Variants in CIT observed in about 807,000 individuals in gnomAD.
The protein encoded by CIT is citron Rho-interacting kinase.
Under a neutral mutation model 272.7 loss-of-function variants are expected in CIT, and 79 were observed. The ratio of observed to expected loss-of-function variants is 0.29; its 90% CI spans 0.24 to 0.35. The LOEUF is 0.35. Among genes scored for constraint, CIT ranks in the 10% least tolerant of loss-of-function variants. The pLI is 1.00. For synonymous variants in CIT, 948 were observed against 995.6 expected, an observed-to-expected ratio of 0.95 and a Z score of 0.90; for missense variants, 1,909 against 2,618.3, an observed-to-expected ratio of 0.73 and a Z score of 5.91.
At chr12:119,837,692 C>T (rs2138154715) in intron 5 of CIT, among the ~76,000 whole-genome samples, 1 of 152,338 alleles carries the variant, frequency 6.6e-6, no homozygotes, top group African/African-American at 2.4e-5. Context: ...ATAGCCTTGG[C>T]TTCTACCCCA....
intron 26 of CIT, among the ~76,000 whole-genome samples, chr12:119,731,122 G>A (rs866316501): frequency 1.3e-5 from 2 of 149,564 alleles, no homozygotes; most frequent in East Asian, 2.0e-4. Flanking sequence ...GCAAGACTCG[G>A]TCTCAAAACA....
At chr12:119,834,722 AT>A (rs1431776171) in intron 5 of CIT, among the ~76,000 whole-genome samples, 1 of 152,270 alleles carries the variant, frequency 6.6e-6, no homozygotes, top group African/African-American at 2.4e-5. Flanking sequence ...ATGTGAAAAT[AT>A]CCCCTTTGAC....
intron 23 of CIT, among the ~76,000 whole-genome samples, chr12:119,747,546 C>G (rs899932312): frequency 6.6e-6 from 1 of 151,874 alleles, no homozygotes; most frequent in African/African-American, 2.4e-5. Flanking sequence ...TGGTGAAACC[C>G]GTGACTCACT....
At position 119,775,833 on chromosome 12, in the gene CIT, C is replaced by T. The variant is rs746915591; in HGVS notation, c.1894G>A (p.Ala632Thr). The T allele has an allele frequency of 2.5e-6, 4 of 1,612,744 alleles. No homozygotes were observed. The South Asian group carries it at 4.4e-5, about 18-fold the overall frequency. Residue 632 changes from alanine (A) to threonine (T), a missense_variant, in exon 16 of 48, where the codon GCT (alanine) becomes ACT (threonine). Around this residue, in one of 8 missense-constraint regions of CIT, gnomAD observed 530 missense variants for 822.4 expected, o/e 0.64. Transcript: ENST00000392521. ...GEYAKLEKINAEQQLKIQELQ... is the reference protein window; with the variant it reads ...GEYAKLEKINTEQQLKIQELQ... ...TCCTGAATTTTGAGCTGCTGCTCAG[C>T]ATTGATCTATAATTAAAATCCCAGG...
chr12:119,710,110 C>T lies in CIT; in HGVS notation c.5071+141G>A, dbSNP rs1334054141. On this transcript the variant is annotated intron_variant, in intron 39 of 47. Coordinates refer to ENST00000392521, the MANE Select transcript of CIT (RefSeq NM_001206999.2). The surrounding 1 kb of genome is among the most constrained non-coding windows in gnomAD (Gnocchi z 5.6). ...GACAGAGGGGGTCCATTAGCTGAGG[C>T]TTGGGCATCTATGGGGACACAGAGA... 9.9e-6 allele frequency: 9 copies of T among 910,756 alleles called. No individual in the cohort carries two copies. The highest frequency in any genetic ancestry group is 1.5e-5 in the Non-Finnish European group (9 of 591,118). 56.4% of individuals were successfully genotyped at this position (910,756 alleles called of 1,614,324 possible). A position where few individuals can be genotyped will look rare whatever the true frequency, so the allele number is the denominator to read the frequency against.
chr12:119,719,590 G>A (rs554106283), intron 30 of CIT, among the ~76,000 whole-genome samples: 22 of 152,234 alleles, frequency 1.4e-4, no homozygotes, highest in African/African-American at 3.6e-4. Context: ...AGTGGGAGGC[G>A]GCCTCTGAAT....
intron 41 of CIT, among the ~76,000 whole-genome samples, 180 bp from the exon 42 acceptor site, chr12:119,702,138 T>C (rs1160985121): frequency 1.3e-5 from 2 of 151,532 alleles, no homozygotes; most frequent in Non-Finnish European, 2.9e-5. Flanking sequence ...AAGATCTCGC[T>C]CTGTCACCTA....
At position 119,688,131 on chromosome 12, in the gene CIT, G is replaced by T; in HGVS notation, c.*101C>A. On this transcript the variant is annotated 3_prime_UTR_variant, in exon 48 of 48. Coordinates refer to ENST00000392521, the MANE Select transcript of CIT (RefSeq NM_001206999.2). ...CTGGGCCCCGCTGAGCCAGAGGGTG[G>T]CTGAGCACGTGGGCGCTTGGGTCCC... The T allele has an allele frequency of 1.5e-6, 2 of 1,311,126 alleles. No individual in the cohort carries two copies. Among genetic ancestry groups the T allele is most frequent in the African/African-American group, 1.5e-5 (1 of 68,724 alleles). 81.2% of individuals were successfully genotyped at this position (1,311,126 alleles called of 1,614,324 possible).
In CIT at chr12:119,688,175, G is replaced by A; in HGVS notation, c.*57C>T. ...GGGTCCCCATCAGCAGAGTTCCATA[G>A]TGTGTTTGGTGTTTTCCTGCAGATC... is the stretch of plus-strand genomic sequence containing the variant. On this transcript the variant is annotated 3_prime_UTR_variant, in exon 48 of 48. Coordinates refer to ENST00000392521, the MANE Select transcript of CIT (RefSeq NM_001206999.2). 1.3e-6 allele frequency: 2 copies of A among 1,574,264 alleles called. No individual in the cohort carries two copies. The highest frequency in any genetic ancestry group is 1.1e-5 in the South Asian group (1 of 90,302).
Position 119,776,291 on chromosome 12 carries a change from T to C in CIT, c.1887+67A>G, listed in dbSNP as rs1476780847. The stretch of plus-strand genomic sequence containing the variant: ...ATACTCTTCATCAATGATGGGCCAC[T>C]GATAATAACATGAAAAAAGTTATCT... On this transcript the variant is annotated intron_variant, in intron 15 of 47. Transcript: ENST00000392521. The C allele has an allele frequency of 1.8e-5, 22 of 1,202,404 alleles. No individual in the cohort carries two copies. The Admixed American group carries it at 3.4e-4, about 18-fold the overall frequency. 74.5% of individuals were successfully genotyped at this position (1,202,404 alleles called of 1,614,324 possible).
intron 40 of CIT, among the ~76,000 whole-genome samples, chr12:119,707,812 T>C (rs917752295): frequency 1.3e-5 from 2 of 152,192 alleles, no homozygotes; most frequent in Non-Finnish European, 2.9e-5. Flanking sequence ...GCCATTGCAA[T>C]CTTACACAAA....
intron 13 of CIT, 110 bp from the exon 14 acceptor site, chr12:119,776,952 A>G (rs1196552935): frequency 1.7e-6 from 2 of 1,207,412 alleles, no homozygotes; most frequent in Non-Finnish European, 1.2e-6. Flanking sequence ...CAGTGAAGAG[A>G]GACTGGCAAA....
chr12:119,833,780 G>A (rs564155846), intron 6 of CIT, among the ~76,000 whole-genome samples: 1 of 151,828 alleles, frequency 6.6e-6, no homozygotes, highest in South Asian at 2.1e-4. Flanking sequence ...ACCAAATTCA[G>A]TTCTTCTATC....
chr12:119,729,811 TTGTG>T (rs1348329825), intron 27 of CIT, among the ~76,000 whole-genome samples: 1 of 152,216 alleles, frequency 6.6e-6, no homozygotes. Context: ...TTATTTTATT[TTGTG>T]TGTGTATGTG....
intron 3 of CIT, among the ~76,000 whole-genome samples, chr12:119,865,864 C>CA (rs11366591): frequency 1.4e-3 from 126 of 91,356 alleles, no homozygotes; most frequent in Middle Eastern, 5.7e-3. Flanking sequence ...AGCAAGACTC[C>CA]AAAAAAAAAA....
chr12:119,859,708 G>A (rs1418989090), intron 3 of CIT, among the ~76,000 whole-genome samples: 6 of 151,934 alleles, frequency 3.9e-5, no homozygotes, highest in Non-Finnish European at 8.8e-5. Context: ...TCAGCTGCTC[G>A]GGAGGCTGAG....
At chr12:119,828,571 AT>A (rs767267101) in intron 7 of CIT, among the ~76,000 whole-genome samples, 593 of 144,540 alleles carry the variant, frequency 4.1e-3, no homozygotes, top group Middle Eastern at 7.1e-3. Context: ...AACTTAGTTA[AT>A]TTTTTTTTTT....
Position 119,730,477 on chromosome 12 carries a change from G to A in CIT, c.3486+18C>T, listed in dbSNP as rs765025158. ...AACGAAAATGTTTTCCTAAAAAGCA[G>A]AAGGGGTGGGCGCTGACCTTGTCAG... On this transcript the variant is annotated intron_variant, in intron 27 of 47. Transcript: ENST00000392521. 1.9e-6 allele frequency: 3 copies of A among 1,560,192 alleles called. No individual in the cohort carries two copies. In the Admixed American group the frequency reaches 5.9e-5, roughly 31 times the overall value.
At chr12:119,743,736 G>A (rs894763608) in intron 23 of CIT, among the ~76,000 whole-genome samples, 3 of 152,188 alleles carry the variant, frequency 2.0e-5, no homozygotes, top group African/African-American at 7.2e-5. Flanking sequence ...GTCTGTATAT[G>A]ACTGTAATAT....
Sources: allele counts gnomAD v4.1 joint callset (sites outside exome capture counted in the v4.1 genomes callset), GRCh38; gene constraint gnomAD v4.1.1; regional missense constraint gnomAD v4.1.1; non-coding constraint Gnocchi (gnomAD v3.1); transcripts MANE v1.5; gene names NCBI Gene and HGNC (gene_info 2026-07-23, HGNC 2026-07-21).